The following ACOT9 variants were observed in gnomAD, a reference collection of about 807,000 sequenced individuals.
ACOT9 encodes acyl-coenzyme A thioesterase 9, mitochondrial.
In ACOT9, 34 loss-of-function variants were observed where a neutral mutation model predicts 39.7. The ratio of observed to expected loss-of-function variants is 0.86; its 90% CI spans 0.65 to 1.14. The LOEUF (loss-of-function observed/expected upper bound fraction) is 1.14, where lower values mean the gene tolerates loss of function less well. Among genes scored for constraint, ACOT9 ranks in the 50% most tolerant of loss-of-function variants. ACOT9 has a pLI of 0.00. For synonymous variants in ACOT9, 110 were observed against 120.5 expected, an observed-to-expected ratio of 0.91 and a Z score of 0.57; for missense variants, 313 against 344.1, an observed-to-expected ratio of 0.91 and a Z score of 0.71.
intron 1 of ACOT9, among the ~76,000 whole-genome samples, chrX:23,742,213 T>TGAGA (rs1190609377): frequency 2.9e-5 from 2 of 68,910 alleles, no homozygotes; most frequent in Non-Finnish European, 5.0e-5. Context: ...AGTGAGTGAG[T>TGAGA]GAGAGAGAGA....
intron 1 of ACOT9, among the ~76,000 whole-genome samples, chrX:23,737,006 C>A (rs943624695): frequency 9.0e-6 from 1 of 111,140 alleles, no homozygotes; most frequent in Non-Finnish European, 1.9e-5. Flanking sequence ...GAAGGCAAGG[C>A]ACTGAATAGG....
chrX:23,712,506 G>GT lies in ACOT9; in HGVS notation c.662+628dup, dbSNP rs752807307. Among the ~76,000 whole-genome samples, 967 of 107,337 alleles carry GT rather than the reference G, an allele frequency of 9.0e-3. 5 individuals are homozygous for GT. Among genetic ancestry groups the GT allele is most frequent in the Non-Finnish European group, 0.013 (697 of 51,848 alleles). 93.2% of individuals were successfully genotyped at this position (107,337 alleles called of 115,157 possible). On this transcript the variant is annotated intron_variant, in intron 9 of 15. Coordinates refer to ENST00000379303, the MANE Select transcript of ACOT9 (RefSeq NM_001037171.2). ...ATTTGATTTTTATGTCTGTAAGTCT[G>GT]TTTTTTTTTGATAACAGCTTTATTA... is the stretch of plus-strand genomic sequence containing the variant.
Position 23,716,254 on chromosome X carries a change from T to C in ACOT9, c.589-3046A>G, listed in dbSNP as rs895627853. Among the ~76,000 whole-genome samples the C allele has an allele frequency of 3.6e-5, 4 of 112,311 alleles. No homozygotes were observed. In the Admixed American group the frequency reaches 3.8e-4, roughly 11 times the overall value. ...GCAAAAGAAAAAGCATCAGCAATTA[T>C]ACTCATTCACTCACTCCCAGTTGAA... On this transcript the variant is annotated intron_variant, in intron 8 of 15. Transcript: ENST00000379303.
Position 23,719,889 on chromosome X carries a change from A to T in ACOT9, c.588+1992T>A, listed in dbSNP as rs111639682. Among the ~76,000 whole-genome samples the T allele has an allele frequency of 5.6e-4, 61 of 108,423 alleles. 1 individual carries two copies. Among genetic ancestry groups the T allele is most frequent in the African/African-American group, 1.2e-3 (36 of 29,623 alleles). 94.2% of individuals were successfully genotyped at this position (108,423 alleles called of 115,157 possible). A position where few individuals can be genotyped will look rare whatever the true frequency, so the allele number is the denominator to read the frequency against. On this transcript the variant is annotated intron_variant, in intron 8 of 15. Transcript: ENST00000379303. Reference sequence around the variant, plus strand: ...TCTCGCTCTGTCGCCCAGGCTGGAGAGCAGTGGTGTGATCTCGGCTCACTG... The same window carrying T: ...TCTCGCTCTGTCGCCCAGGCTGGAGTGCAGTGGTGTGATCTCGGCTCACTG...
In ACOT9 at chrX:23,730,579, A is replaced by G; in HGVS notation, c.363-15T>C. Reference sequence around the variant, plus strand: ...TCCTGCCAAATCTGTGAAATAAAGCAAACAGTGAATTAAATGCAAATCATG... The same window carrying G: ...TCCTGCCAAATCTGTGAAATAAAGCGAACAGTGAATTAAATGCAAATCATG... On this transcript the variant is annotated splice_polypyrimidine_tract_variant and intron_variant, in intron 5 of 15. Coordinates refer to ENST00000379303, the MANE Select transcript of ACOT9 (RefSeq NM_001037171.2). 2 of 1,197,094 alleles carry G rather than the reference A, an allele frequency of 1.7e-6. No individual in the cohort carries two copies. Among genetic ancestry groups the G allele is most frequent in the Non-Finnish European group, 1.1e-6 (1 of 882,478 alleles).
intron 11 of ACOT9, 120 bp from the exon 12 acceptor site, chrX:23,705,978 G>T: frequency 1.6e-6 from 1 of 620,423 alleles, no homozygotes; most frequent in Non-Finnish European, 2.6e-6. Context: ...GAAGGCCAAG[G>T]TTTAGGCCAG....
In ACOT9 at chrX:23,713,197, A is replaced by G; in HGVS notation, c.600T>C (p.Asp200=). 2 of 1,203,004 alleles carry G rather than the reference A, an allele frequency of 1.7e-6. No individual in the cohort carries two copies. The highest frequency in any genetic ancestry group is 4.4e-5 in the Admixed American group (2 of 45,812). ...TTGCATCCAAAACAGGACAAAATTC[A>G]TCACCATGTAACTGAAGAACAAAGG... ...VKMQMFQLHG[D]EFCPVLDATF... The change falls in exon 9 of 16, where the codon GAT becomes GAC. Residue 200 remains aspartate (D), a synonymous_variant. Coordinates refer to ENST00000379303, the MANE Select transcript of ACOT9 (RefSeq NM_001037171.2).
intron 1 of ACOT9, 133 bp downstream of exon 1, chrX:23,742,992 C>A (rs1601827790): frequency 3.8e-6 from 3 of 788,452 alleles, no homozygotes; most frequent in Non-Finnish European, 5.0e-6. Context: ...AGTGGGCGAG[C>A]GCCCCTTATC....
chrX:23,714,948 A>T (rs1488691580), intron 8 of ACOT9, among the ~76,000 whole-genome samples: 1 of 111,253 alleles, frequency 9.0e-6, no homozygotes, highest in Non-Finnish European at 1.9e-5. Flanking sequence ...AGAAGTCTGT[A>T]CTTCCAGGAA....
chrX:23,740,103 G>A (rs924806810), intron 1 of ACOT9, among the ~76,000 whole-genome samples: 9 of 91,624 alleles, frequency 9.8e-5, no homozygotes, highest in East Asian at 7.5e-4. Context: ...AAGAGTATTC[G>A]GGTAATGGTA....
intron 1 of ACOT9, 48 bp from the exon 2 acceptor site, chrX:23,736,064 G>C: frequency 9.2e-7 from 1 of 1,086,956 alleles, no homozygotes; most frequent in Non-Finnish European, 1.3e-6. Flanking sequence ...CTTCTTCCCT[G>C]GCAACCCTAA....
intron 6 of ACOT9, among the ~76,000 whole-genome samples, chrX:23,729,938 A>T (rs1404825002): frequency 9.1e-6 from 1 of 109,535 alleles, no homozygotes; most frequent in Non-Finnish European, 1.9e-5. Flanking sequence ...GCCACAGAAA[A>T]ATTCTTTATA....
At chrX:23,704,076 G>A (rs1425882100) in intron 15 of ACOT9, 94 bp from the exon 16 acceptor site, 48 of 726,873 alleles carry the variant, frequency 6.6e-5, no homozygotes, top group Non-Finnish European at 9.6e-5. Context: ...GGGAACACTG[G>A]GACAGAACAA....
intron 6 of ACOT9, among the ~76,000 whole-genome samples, chrX:23,724,092 C>CAT (rs1929419242): frequency 9.1e-6 from 1 of 109,950 alleles, no homozygotes; most frequent in Non-Finnish European, 1.9e-5. Flanking sequence ...GCAGAGACTC[C>CAT]ATCTCTACCA....
chrX:23,742,209 T>A (rs753569534), intron 1 of ACOT9, among the ~76,000 whole-genome samples: 137 of 56,239 alleles, frequency 2.4e-3, no homozygotes, highest in Non-Finnish European at 2.8e-3. Context: ...GAACAGTGAG[T>A]GAGTGAGAGA....
chrX:23,716,790 G>T (rs188836323), intron 8 of ACOT9, among the ~76,000 whole-genome samples: 1 of 110,843 alleles, frequency 9.0e-6, no homozygotes, highest in African/African-American at 3.3e-5. Context: ...TGCCTCAAGC[G>T]ATCCTCCCAC....
At chrX:23,739,594 C>G (rs145956011) in intron 1 of ACOT9, among the ~76,000 whole-genome samples, 1 of 111,199 alleles carries the variant, frequency 9.0e-6, no homozygotes, top group Admixed American at 9.7e-5. Context: ...TCACTTGAGA[C>G]CAGTGTGGGC....
intron 1 of ACOT9, among the ~76,000 whole-genome samples, chrX:23,742,517 G>A (rs1433084748): frequency 2.7e-5 from 3 of 110,538 alleles, no homozygotes; most frequent in Non-Finnish European, 5.7e-5. Context: ...TATACAAAAA[G>A]GCATCCTCCC....
intron 8 of ACOT9, among the ~76,000 whole-genome samples, chrX:23,714,842 T>C (rs1459119116): frequency 9.0e-6 from 1 of 111,090 alleles, no homozygotes; most frequent in Non-Finnish European, 1.9e-5. Flanking sequence ...CTTGACCTCC[T>C]GAGCTCAAGG....
Sources: allele counts gnomAD v4.1 joint callset (sites outside exome capture counted in the v4.1 genomes callset), GRCh38; gene constraint gnomAD v4.1.1; transcripts MANE v1.5; gene names NCBI Gene and HGNC (gene_info 2026-07-23, HGNC 2026-07-21).